Variants in NUTF2 observed in about 807,000 individuals in gnomAD.
NUTF2 encodes the protein nuclear transport factor 2.
In NUTF2, 3 loss-of-function variants were observed where a neutral mutation model predicts 18.5. That is an observed-to-expected ratio of 0.16 (90% CI 0.07 to 0.42). The LOEUF (loss-of-function observed/expected upper bound fraction) is 0.42, where lower values mean the gene tolerates loss of function less well. Ranked by LOEUF, NUTF2 falls within the 10% of genes least tolerant of loss-of-function variation. The probability of loss-of-function intolerance (pLI) is 0.99; values close to 1 mark genes in which losing one functional copy is unlikely to be tolerated. For missense variants in NUTF2, 44 were observed against 160.7 expected (o/e 0.27, Z 3.93); for synonymous variants, 51 against 57.9 (o/e 0.88, Z 0.54).
rs571926853 is a variant in NUTF2 at position 67,861,250 on chromosome 16, G to C, written c.-29-3852G>C. Among the ~76,000 whole-genome samples, 269 of 152,284 alleles carry C rather than the reference G, an allele frequency of 1.8e-3. 1 individual carries two copies. Among genetic ancestry groups the C allele is most frequent in the Admixed American group, 3.0e-3 (46 of 15,302 alleles). On this transcript the variant is annotated intron_variant, in intron 1 of 4. Coordinates refer to ENST00000219169, the MANE Select transcript of NUTF2 (RefSeq NM_005796.3). ...ACAAGGGGGTTGACTCACAGGGTGT[G>C]GTTACAAACAAGTGCACATAAGCTC...
intron 1 of NUTF2, among the ~76,000 whole-genome samples, chr16:67,849,412 G>A (rs1400618839): frequency 1.3e-5 from 2 of 152,074 alleles, no homozygotes; most frequent in African/African-American, 4.8e-5. Flanking sequence ...TGCGATGTCG[G>A]CTCACTGCAA....
intron 1 of NUTF2, among the ~76,000 whole-genome samples, chr16:67,860,105 A>G (rs983286850): frequency 1.3e-5 from 2 of 151,178 alleles, no homozygotes; most frequent in African/African-American, 4.9e-5. Flanking sequence ...TCAGCCTCCC[A>G]AGTAGCTGGG....
intron 1 of NUTF2, among the ~76,000 whole-genome samples, chr16:67,861,609 C>T (rs1386013419): frequency 2.0e-5 from 3 of 152,166 alleles, no homozygotes; most frequent in Non-Finnish European, 4.4e-5. Flanking sequence ...TCATCAGAGT[C>T]TTTTCTGCTC....
chr16:67,868,722 C>A, intron 4 of NUTF2, 123 bp downstream of exon 4: 1 of 865,444 alleles, frequency 1.2e-6, no homozygotes. Flanking sequence ...CTGTCTAGAG[C>A]TGCGTAGTTC....
In NUTF2 at chr16:67,871,762, G is replaced by C. The variant is rs1459671196; in HGVS notation, c.*849G>C. On this transcript the variant is annotated 3_prime_UTR_variant, in exon 5 of 5. Transcript: ENST00000219169. ...GGAGGGGCCTGCTCTATCCCCAGAAGGATCAGGATCATATCCAGGATGCCC... is the reference window on the plus strand; with the variant it reads ...GGAGGGGCCTGCTCTATCCCCAGAACGATCAGGATCATATCCAGGATGCCC... 1 of 152,244 alleles carries C rather than the reference G, an allele frequency of 6.6e-6. No individual in the cohort carries two copies. The highest frequency in any genetic ancestry group is 1.5e-5 in the Non-Finnish European group (1 of 68,064). The allele number at this position is 152,244 out of a possible 1,614,324, so 9.4% of individuals were successfully genotyped here. A position where few individuals can be genotyped will look rare whatever the true frequency, so the allele number is the denominator to read the frequency against.
chr16:67,851,526 C>CT (rs1180481435), intron 1 of NUTF2, among the ~76,000 whole-genome samples: 1 of 151,898 alleles, frequency 6.6e-6, no homozygotes, highest in Non-Finnish European at 1.5e-5. Flanking sequence ...TATTATTATA[C>CT]TTTAAGTTCT....
At chr16:67,855,617 G>A (rs759985780) in intron 1 of NUTF2, among the ~76,000 whole-genome samples, 12 of 152,264 alleles carry the variant, frequency 7.9e-5, no homozygotes, top group Non-Finnish European at 1.5e-4. Context: ...AGTCTCGAAT[G>A]ATTCCATCAG....
At chr16:67,864,420 A>T (rs1282672140) in intron 1 of NUTF2, among the ~76,000 whole-genome samples, 2 of 151,880 alleles carry the variant, frequency 1.3e-5, no homozygotes, top group Non-Finnish European at 2.9e-5. Context: ...GAGGCAAGAG[A>T]ATCACTTGAG....
intron 2 of NUTF2, among the ~76,000 whole-genome samples, chr16:67,866,493 T>C (rs1163038861): frequency 2.0e-5 from 3 of 151,644 alleles, no homozygotes; most frequent in Non-Finnish European, 2.9e-5. Flanking sequence ...TGAGATGCAG[T>C]CTCACTCTGT....
At chr16:67,859,795 CTTTTTTTTTTTTTT>C (rs34914554) in intron 1 of NUTF2, among the ~76,000 whole-genome samples, 1 of 45,626 alleles carries the variant, frequency 2.2e-5, no homozygotes, top group East Asian at 1.0e-3. Flanking sequence ...TGCGCCAGGC[CTTTTTTTTTTTTTT>C]TTTTTTTTTT....
intron 1 of NUTF2, chr16:67,855,898 G>A (rs2057893127): frequency 4.9e-6 from 2 of 404,868 alleles, no homozygotes; most frequent in South Asian, 4.1e-5. Context: ...GGGGGGGGGG[G>A]ATGGGGGAAA....
intron 2 of NUTF2, 120 bp from the exon 3 acceptor site, chr16:67,868,220 C>A: frequency 1.3e-6 from 1 of 791,378 alleles, no homozygotes; most frequent in Non-Finnish European, 2.1e-6. Flanking sequence ...CTTCTTTAGA[C>A]AGGGAAACTG....
intron 4 of NUTF2, chr16:67,868,809 T>C (rs1027415250): frequency 6.4e-6 from 3 of 466,830 alleles, no homozygotes; most frequent in Non-Finnish European, 1.2e-5. Flanking sequence ...ATGTACTTCT[T>C]CGGTTGTACT....
At chr16:67,864,218 G>A (rs986871484) in intron 1 of NUTF2, among the ~76,000 whole-genome samples, 17 of 152,234 alleles carry the variant, frequency 1.1e-4, no homozygotes, top group African/African-American at 4.1e-4. Flanking sequence ...TTTTGGCAGA[G>A]GAGGGCCCTT....
intron 1 of NUTF2, among the ~76,000 whole-genome samples, chr16:67,856,596 C>A (rs1567380736): frequency 6.6e-6 from 1 of 151,608 alleles, no homozygotes; most frequent in African/African-American, 2.4e-5. Flanking sequence ...GCAACCTCTG[C>A]CTCCTGGGTT....
At chr16:67,860,155 A>G (rs2057925897) in intron 1 of NUTF2, among the ~76,000 whole-genome samples, 1 of 151,554 alleles carries the variant, frequency 6.6e-6, no homozygotes, top group South Asian at 2.1e-4. Flanking sequence ...AATTTTTTGT[A>G]TTTTTAGTAG....
At chr16:67,853,638 A>C (rs899070834) in intron 1 of NUTF2, among the ~76,000 whole-genome samples, 1 of 152,120 alleles carries the variant, frequency 6.6e-6, no homozygotes, top group African/African-American at 2.4e-5. Context: ...TCCAGGCATG[A>C]GCCATTGTGC....
intron 1 of NUTF2, among the ~76,000 whole-genome samples, chr16:67,851,660 C>T (rs1406263417): frequency 2.0e-5 from 3 of 152,040 alleles, no homozygotes; most frequent in African/African-American, 4.8e-5. Flanking sequence ...CTCCCCGCTA[C>T]CCCCGCCCCA....
Position 67,871,100 on chromosome 16 carries a change from G to A in NUTF2, c.*187G>A. The A allele has an allele frequency of 1.9e-6, 1 of 527,058 alleles. No homozygotes were observed. The highest frequency in any genetic ancestry group is 3.1e-5 in the South Asian group (1 of 31,938). 32.6% of individuals were successfully genotyped at this position (527,058 alleles called of 1,614,324 possible). A position where few individuals can be genotyped will look rare whatever the true frequency, so the allele number is the denominator to read the frequency against. ...GATGCTAGACTAGTTGCATCTGACGGGAGAAGTTTGTGTTGTACCAGCGCA... is the reference window on the plus strand; with the variant it reads ...GATGCTAGACTAGTTGCATCTGACGAGAGAAGTTTGTGTTGTACCAGCGCA... On this transcript the variant is annotated 3_prime_UTR_variant, in exon 5 of 5. Coordinates refer to ENST00000219169, the MANE Select transcript of NUTF2 (RefSeq NM_005796.3).
Sources: gnomAD v4.1 joint callset for allele counts (sites outside exome capture counted in the v4.1 genomes callset) on GRCh38, gnomAD v4.1.1 for gene constraint, MANE v1.5 for transcripts, NCBI Gene and HGNC (gene_info 2026-07-23, HGNC 2026-07-21) for gene names.